The following P2RY12 variants were observed in gnomAD, a reference collection of about 807,000 sequenced individuals.
P2RY12 encodes the protein purinergic receptor P2Y12, also known as P2Y purinoceptor 12.
Under a neutral mutation model 4.5 loss-of-function variants are expected in P2RY12, and 3 were observed. The ratio of observed to expected loss-of-function variants is 0.67; its 90% CI spans 0.31 to 1.74. P2RY12 has a LOEUF of 1.74. P2RY12 is among the 40% of genes most tolerant of loss of function. The probability of loss-of-function intolerance (pLI) is 0.09; values close to 1 mark genes in which losing one functional copy is unlikely to be tolerated. For missense variants in P2RY12, 356 were observed against 407.8 expected (o/e 0.87, Z 1.09); for synonymous variants, 148 against 154.1 (o/e 0.96, Z 0.29).
intron 1 of P2RY12, among the ~76,000 whole-genome samples, chr3:151,375,091 C>A (rs1006303033): frequency 1.3e-5 from 2 of 152,100 alleles, no homozygotes; most frequent in African/African-American, 2.4e-5. Flanking sequence ...TGTGTTGGTT[C>A]CCAACTGTGA....
Position 151,383,748 on chromosome 3 carries a change from T to A in P2RY12, c.-180+944A>T, listed in dbSNP as rs758102160. The A allele has an allele frequency of 5.1e-5, 73 of 1,422,250 alleles. No homozygotes were observed. The South Asian group carries it at 8.3e-4, about 16-fold the overall frequency. The allele number at this position is 1,422,250 out of a possible 1,614,324, so 88.1% of individuals were successfully genotyped here. A position where few individuals can be genotyped will look rare whatever the true frequency, so the allele number is the denominator to read the frequency against. On this transcript the variant is annotated intron_variant, in intron 1 of 2. Transcript: ENST00000302632. ...GGGGTGTTCTTTCTGTTTTACAGAA[T>A]GCAAATATCTTACTGTATTTTGTCT...
intron 1 of P2RY12, among the ~76,000 whole-genome samples, chr3:151,374,856 C>A (rs9865547): frequency 0.12 from 17,654 of 152,028 alleles, 1,320 homozygotes; most frequent in Middle Eastern, 0.18. Flanking sequence ...CCTCCCATAT[C>A]CCTCTTACCA....
In P2RY12 at chr3:151,377,969, G is replaced by A. The variant is rs763038760; in HGVS notation, c.-180+6723C>T. On this transcript the variant is annotated intron_variant, in intron 1 of 2. Transcript: ENST00000302632. ...TTCTGTTATAACTGTGAGAGCAGGG[G>A]AAAGGATGCTTTCTCCGGTGTAACA... The A allele has an allele frequency of 2.0e-6, 3 of 1,528,484 alleles. No individual in the cohort carries two copies. In the East Asian group the frequency reaches 7.1e-5, roughly 36 times the overall value. 94.7% of individuals were successfully genotyped at this position (1,528,484 alleles called of 1,614,324 possible).
chr3:151,363,953 G>A (rs565693455), intron 1 of P2RY12, among the ~76,000 whole-genome samples: 11 of 152,080 alleles, frequency 7.2e-5, no homozygotes, highest in African/African-American at 2.2e-4. Context: ...TTTCATCTTC[G>A]AGGGACTCAT....
Position 151,338,558 on chromosome 3 carries a change from C to T in P2RY12, c.288G>A (p.Val96=). 2 of 1,613,890 alleles carry T rather than the reference C, an allele frequency of 1.2e-6. No individual in the cohort carries two copies. Among genetic ancestry groups the T allele is most frequent in the South Asian group, 1.1e-5 (1 of 91,064 alleles). The part of the protein sequence containing the change: ...KLGTGPLRTF[V]CQVTSVIFYF... ...AAAATATGACGGAGGTAACTTGACA[C>T]ACAAAAGTTCTCAGTGGTCCTGTTC... Residue 96 remains valine (V), a synonymous_variant, in exon 3 of 3, where the codon GTG becomes GTA. Coordinates refer to ENST00000302632, the MANE Select transcript of P2RY12 (RefSeq NM_022788.5).
intron 2 of P2RY12, among the ~76,000 whole-genome samples, 165 bp from the exon 3 acceptor site, chr3:151,339,024 C>A (rs1751433254): frequency 1.3e-5 from 2 of 152,150 alleles, no homozygotes; most frequent in Non-Finnish European, 1.5e-5. Flanking sequence ...CAAAATATTT[C>A]ATTGCAGCAA....
At chr3:151,352,513 A>G (rs750435616) in intron 1 of P2RY12, among the ~76,000 whole-genome samples, 1 of 152,206 alleles carries the variant, frequency 6.6e-6, no homozygotes, top group Non-Finnish European at 1.5e-5. Context: ...AAATTAGCTA[A>G]CTGTACTTCA....
intron 1 of P2RY12, among the ~76,000 whole-genome samples, chr3:151,343,641 T>A (rs1752157064): frequency 6.6e-6 from 1 of 152,218 alleles, no homozygotes; most frequent in African/African-American, 2.4e-5. Context: ...ACATACAGTT[T>A]GTAGTTATTT....
At chr3:151,348,537 T>C (rs970995397) in intron 1 of P2RY12, among the ~76,000 whole-genome samples, 2 of 151,320 alleles carry the variant, frequency 1.3e-5, no homozygotes, top group African/African-American at 4.9e-5. Context: ...GGATATTAAA[T>C]AAGAACAGCT....
chr3:151,375,994 G>A, intron 1 of P2RY12: 2 of 1,171,346 alleles, frequency 1.7e-6, no homozygotes, highest in South Asian at 1.7e-5. Flanking sequence ...GAAAGCCAGT[G>A]CCTGTCAATC....
intron 1 of P2RY12, among the ~76,000 whole-genome samples, chr3:151,379,790 T>C (rs1297885043): frequency 6.6e-6 from 1 of 152,222 alleles, no homozygotes; most frequent in African/African-American, 2.4e-5. Flanking sequence ...TTCTTTCTGA[T>C]GTACATTTTT....
rs375189871 is a variant in P2RY12, at chr3:151,338,248, T to C, written c.598A>G (p.Ile200Val). Residue 200 changes from isoleucine to valine, a missense_variant, in exon 3 of 3, where the codon ATT (isoleucine) becomes GTT (valine). By Grantham distance (29) the Ile-to-Val change is conservative (BLOSUM62 3). Transcript: ENST00000302632. Reference protein sequence around the residue: ...VNYICQVIFWINFLIVIVCYT... With the variant: ...VNYICQVIFWVNFLIVIVCYT... Reference sequence around the variant, plus strand: ...CATACAATAACAATTAAGAAATTAATCCAGAAAATGACTTGACAGATGTAA... The same window carrying C: ...CATACAATAACAATTAAGAAATTAACCCAGAAAATGACTTGACAGATGTAA... The C allele has an allele frequency of 3.7e-6, 6 of 1,613,904 alleles. No homozygotes were observed. The African/African-American group carries it at 8.0e-5, about 22-fold the overall frequency.
rs373231688 is a variant in P2RY12 at position 151,346,465 on chromosome 3, C to T, written c.-179-5705G>A. Among the ~76,000 whole-genome samples the T allele has an allele frequency of 4.6e-5, 7 of 152,230 alleles. No homozygotes were observed. In the South Asian group the frequency reaches 6.2e-4, roughly 14 times the overall value. On this transcript the variant is annotated intron_variant, in intron 1 of 2. Coordinates refer to ENST00000302632, the MANE Select transcript of P2RY12 (RefSeq NM_022788.5). Reference sequence around the variant, plus strand: ...TTTCATCATCACCTCTTACTTTAACCGCTTGTTTCTTAGCTTTGTGCCCTG... The same window carrying T: ...TTTCATCATCACCTCTTACTTTAACTGCTTGTTTCTTAGCTTTGTGCCCTG...
Position 151,338,732 on chromosome 3 carries a change from A to G in P2RY12, c.114T>C (p.Val38=), listed in dbSNP as rs376700750. The G allele has an allele frequency of 7.5e-5, 121 of 1,613,548 alleles. No homozygotes were observed. Among genetic ancestry groups the G allele is most frequent in the Non-Finnish European group, 9.9e-5 (117 of 1,179,830 alleles). ...FPLLYTVLFF[V]GLITNGLAMR... is the part of the protein sequence containing the mutation. ...TCGCCAGGCCATTTGTGATAAGTCC[A>G]ACAAAAAACAGGACAGTGTAGAGCA... The change falls in exon 3 of 3, where the codon GTT becomes GTC. Residue 38 remains valine, a synonymous_variant. Coordinates refer to ENST00000302632, the MANE Select transcript of P2RY12 (RefSeq NM_022788.5).
chr3:151,342,040 G>T (rs1028223809), intron 1 of P2RY12, among the ~76,000 whole-genome samples: 1 of 152,096 alleles, frequency 6.6e-6, no homozygotes, highest in African/African-American at 2.4e-5. Flanking sequence ...ATAAACATAC[G>T]TGTGCATGTG....
chr3:151,374,978 A>G (rs1006831952), intron 1 of P2RY12, among the ~76,000 whole-genome samples: 12 of 152,184 alleles, frequency 7.9e-5, no homozygotes, highest in Non-Finnish European at 1.6e-4. Context: ...GTACTTTGCT[A>G]TAGGTGTCAT....
intron 1 of P2RY12, chr3:151,377,023 A>C: frequency 6.2e-7 from 1 of 1,614,018 alleles, no homozygotes; most frequent in Non-Finnish European, 8.5e-7. Context: ...TGAACAACTT[A>C]CTGGACAATA....
chr3:151,338,652 T>G lies in P2RY12; in HGVS notation c.194A>C (p.Asn65Thr). ...SKSNFIIFLK[N>T]TVISDLLMIL... ...CATGAGAAGATCAGAAATGACTGTGTTCTTAAGAAAAATAATAAAGTTTGA... is the reference window on the plus strand; with the variant it reads ...CATGAGAAGATCAGAAATGACTGTGGTCTTAAGAAAAATAATAAAGTTTGA... The change falls in exon 3 of 3, where the codon AAC becomes ACC. Residue 65 changes from asparagine (N) to threonine (T), a missense_variant. Coordinates refer to ENST00000302632, the MANE Select transcript of P2RY12 (RefSeq NM_022788.5). The G allele has an allele frequency of 1.2e-6, 2 of 1,613,886 alleles. No individual in the cohort carries two copies. The highest frequency in any genetic ancestry group is 1.7e-6 in the Non-Finnish European group (2 of 1,179,948).
chr3:151,379,644 T>C (rs906379439), intron 1 of P2RY12, among the ~76,000 whole-genome samples: 1 of 152,110 alleles, frequency 6.6e-6, no homozygotes, highest in African/African-American at 2.4e-5. Flanking sequence ...TCTTGGGAAA[T>C]GTGCTGAAAA....
Sources: gnomAD v4.1 joint callset for allele counts (sites outside exome capture counted in the v4.1 genomes callset) on GRCh38, gnomAD v4.1.1 for gene constraint, MANE v1.5 for transcripts, NCBI Gene and HGNC (gene_info 2026-07-23, HGNC 2026-07-21) for gene names.